The following ST6GALNAC3 variants were observed in gnomAD, a reference collection of about 807,000 sequenced individuals.
ST6GALNAC3 encodes ST6 N-acetylgalactosaminide alpha-2,6-sialyltransferase 3, also known as alpha-N-acetylgalactosaminide alpha-2,6-sialyltransferase 3.
A neutral mutation model predicts 32.7 loss-of-function variants in ST6GALNAC3; 25 were observed. That is an observed-to-expected ratio of 0.76 (90% CI 0.56 to 1.07). The LOEUF (loss-of-function observed/expected upper bound fraction) is 1.07. Ranked by LOEUF, ST6GALNAC3 falls within the 50% of genes least tolerant of loss-of-function variation. ST6GALNAC3 has a pLI of 0.00. For missense variants in ST6GALNAC3, 355 were observed against 382.4 expected, an observed-to-expected ratio of 0.93 and a Z score of 0.60; for synonymous variants, 129 against 133.1, an observed-to-expected ratio of 0.97 and a Z score of 0.21.
At chr1:76,146,735 A>G (rs1375456792) in intron 1 of ST6GALNAC3, among the ~76,000 whole-genome samples, 1 of 152,246 alleles carries the variant, frequency 6.6e-6, no homozygotes, top group Non-Finnish European at 1.5e-5. Context: ...AGTATAAAAT[A>G]TTAATTTAGA....
chr1:76,304,677 T>A (rs189779580), intron 1 of ST6GALNAC3, among the ~76,000 whole-genome samples: 3 of 151,930 alleles, frequency 2.0e-5, no homozygotes, highest in Non-Finnish European at 4.4e-5. Flanking sequence ...ATGTGAGGTG[T>A]GAGGATAAAT....
chr1:76,161,498 G>T (rs1257549529), intron 1 of ST6GALNAC3, among the ~76,000 whole-genome samples: 5 of 152,154 alleles, frequency 3.3e-5, no homozygotes, highest in African/African-American at 1.2e-4. Flanking sequence ...TCTCCCTGGA[G>T]GATAGGTGCT....
At chr1:76,527,628 C>T (rs1662995309) in intron 3 of ST6GALNAC3, among the ~76,000 whole-genome samples, 1 of 152,108 alleles carries the variant, frequency 6.6e-6, no homozygotes, top group Non-Finnish European at 1.5e-5. Context: ...ACTGTCAAGT[C>T]TCTTTATCAT....
intron 1 of ST6GALNAC3, among the ~76,000 whole-genome samples, chr1:76,252,299 A>G (rs1657665251): frequency 6.6e-6 from 1 of 152,140 alleles, no homozygotes; most frequent in Admixed American, 6.6e-5. Context: ...TCATCTGCCT[A>G]ACTTATCTGA....
At chr1:76,390,275 T>C (rs1652431255) in intron 2 of ST6GALNAC3, among the ~76,000 whole-genome samples, 1 of 152,246 alleles carries the variant, frequency 6.6e-6, no homozygotes, top group South Asian at 2.1e-4. Flanking sequence ...CTTCTACCAT[T>C]GTCTACAGCT....
At chr1:76,407,051 C>T (rs1653884992) in intron 2 of ST6GALNAC3, among the ~76,000 whole-genome samples, 1 of 151,994 alleles carries the variant, frequency 6.6e-6, no homozygotes, top group African/African-American at 2.4e-5. Context: ...TCTCTCTCAC[C>T]TTCTACCTGT....
rs1238926966 is a variant in ST6GALNAC3, at chr1:76,511,474, G to A, written c.623+99057G>A. Among the ~76,000 whole-genome samples the A allele has an allele frequency of 2.6e-5, 4 of 152,100 alleles. No individual in the cohort carries two copies. In the East Asian group the frequency reaches 7.7e-4, roughly 29 times the overall value. On this transcript the variant is annotated intron_variant, in intron 3 of 4. Coordinates refer to ENST00000328299, the MANE Select transcript of ST6GALNAC3 (RefSeq NM_152996.4). The stretch of plus-strand genomic sequence containing the variant: ...CTGCTCACATCCCTAGCCTGTGTGC[G>A]GTGCCCCTCCCCTTTCCTCCCACAG...
chr1:76,225,028 C>T (rs1036812144), intron 1 of ST6GALNAC3, among the ~76,000 whole-genome samples: 1 of 151,964 alleles, frequency 6.6e-6, no homozygotes, highest in East Asian at 1.9e-4. Flanking sequence ...ATTGGGAACA[C>T]GAATTGAGCA....
chr1:76,571,277 G>GAGCAATATTCAAT (rs1239622581), intron 3 of ST6GALNAC3, among the ~76,000 whole-genome samples: 1 of 151,996 alleles, frequency 6.6e-6, no homozygotes, highest in East Asian at 1.9e-4. Context: ...CAATTCCAAT[G>GAGCAATATTCAAT]TCATGCTCTT....
At chr1:76,092,482 C>G (rs1222264061) in intron 1 of ST6GALNAC3, among the ~76,000 whole-genome samples, 3 of 140,422 alleles carry the variant, frequency 2.1e-5, no homozygotes, top group Admixed American at 7.5e-5. Context: ...CTTTTAGAAG[C>G]AATTTTTATG....
At chr1:76,440,005 T>A (rs1227705555) in intron 3 of ST6GALNAC3, among the ~76,000 whole-genome samples, 1 of 152,246 alleles carries the variant, frequency 6.6e-6, no homozygotes. Flanking sequence ...GTATGTTACA[T>A]GTAGTAAAGA....
intron 2 of ST6GALNAC3, among the ~76,000 whole-genome samples, chr1:76,391,647 A>G (rs1652575645): frequency 6.8e-6 from 1 of 147,838 alleles, no homozygotes; most frequent in Non-Finnish European, 1.5e-5. Flanking sequence ...TAACATTGGA[A>G]TTGACTCTAC....
intron 2 of ST6GALNAC3, among the ~76,000 whole-genome samples, chr1:76,411,185 G>A (rs1016462772): frequency 2.6e-5 from 4 of 152,136 alleles, no homozygotes; most frequent in Non-Finnish European, 4.4e-5. Context: ...ATAACGGAAA[G>A]GGCAGTGGGC....
chr1:76,312,977 C>T (rs772309865), intron 1 of ST6GALNAC3, among the ~76,000 whole-genome samples: 20 of 152,158 alleles, frequency 1.3e-4, no homozygotes, highest in Non-Finnish European at 2.2e-4. Context: ...TCTTCTCAAT[C>T]GGATGCAGTT....
chr1:76,378,669 A>C (rs6659584), intron 2 of ST6GALNAC3, among the ~76,000 whole-genome samples: 652 of 29,958 alleles, frequency 0.022, 2 homozygotes, highest in African/African-American at 0.078. Context: ...TCCCCCCCCC[A>C]AAAAAAAAAA....
At chr1:76,546,848 C>CGTTGT (rs1227050434) in intron 3 of ST6GALNAC3, among the ~76,000 whole-genome samples, 1 of 152,196 alleles carries the variant, frequency 6.6e-6, no homozygotes, top group African/African-American at 2.4e-5. Context: ...TGGCACCACA[C>CGTTGT]GTTGTGTTCC....
chr1:76,078,906 A>T (rs778625994), intron 1 of ST6GALNAC3, among the ~76,000 whole-genome samples: 3 of 152,066 alleles, frequency 2.0e-5, no homozygotes, highest in Non-Finnish European at 4.4e-5. Context: ...TCAGCCTCCC[A>T]AATAGCTGGG....
intron 3 of ST6GALNAC3, among the ~76,000 whole-genome samples, chr1:76,469,309 C>T (rs1042471917): frequency 6.6e-6 from 1 of 151,960 alleles, no homozygotes; most frequent in Admixed American, 6.6e-5. Flanking sequence ...ATTTGAGGGA[C>T]GATATCTAAT....
intron 3 of ST6GALNAC3, among the ~76,000 whole-genome samples, chr1:76,550,250 C>T (rs916115822): frequency 2.6e-5 from 4 of 152,074 alleles, no homozygotes; most frequent in Admixed American, 2.0e-4. Flanking sequence ...TCTTCATTTC[C>T]AAAATTCTAA....
Sources: gnomAD v4.1 joint callset for allele counts (sites outside exome capture counted in the v4.1 genomes callset) on GRCh38, gnomAD v4.1.1 for gene constraint, MANE v1.5 for transcripts, NCBI Gene and HGNC (gene_info 2026-07-23, HGNC 2026-07-21) for gene names.